The following TCF20 variants were observed in gnomAD, a reference collection of about 807,000 sequenced individuals.
TCF20 encodes the protein SPRE-binding protein.
In TCF20, 3 loss-of-function variants were observed where a neutral mutation model predicts 148.6. The ratio of observed to expected loss-of-function variants is 0.02; its 90% CI spans 0.01 to 0.05. TCF20 has a LOEUF of 0.05. Among genes scored for constraint, TCF20 ranks in the 10% least tolerant of loss-of-function variants. The pLI is 1.00. For missense variants in TCF20, 2,350 were observed against 2,429.3 expected (o/e 0.97, Z 0.69); for synonymous variants, 1,049 against 909.5 (o/e 1.15, Z -2.76).
chr22:42,205,535 G>C (rs1382429845), intron 2 of TCF20, among the ~76,000 whole-genome samples: 1 of 152,180 alleles, frequency 6.6e-6, no homozygotes, highest in African/African-American at 2.4e-5. Flanking sequence ...TGCTCATTAA[G>C]CAAGACCAAA....
At chr22:42,201,239 G>A (rs184108840) in intron 2 of TCF20, among the ~76,000 whole-genome samples, 1 of 152,178 alleles carries the variant, frequency 6.6e-6, no homozygotes, top group Non-Finnish European at 1.5e-5. Flanking sequence ...CCAGAACTGT[G>A]AGCCAATTCA....
In TCF20 at chr22:42,307,720, C is replaced by T. The variant is rs114169468; in HGVS notation, c.-37+35759G>A. ...GCAACCATCGCAGCGGAAGACGAGG[C>T]CTCCTGTGCCACTCACACCCCTTGG... On this transcript the variant is annotated intron_variant, in intron 1 of 1. Transcript: ENST00000515426. Among the ~76,000 whole-genome samples, 1,005 of 152,344 alleles carry T rather than the reference C, an allele frequency of 6.6e-3. 13 individuals carry two copies. The highest frequency in any genetic ancestry group is 0.023 in the African/African-American group (939 of 41,576).
At chr22:42,312,424 T>C (rs1044476841) in intron 1 of TCF20, among the ~76,000 whole-genome samples, 1 of 152,136 alleles carries the variant, frequency 6.6e-6, no homozygotes, top group Non-Finnish European at 1.5e-5. Context: ...GGGGGTCTGA[T>C]GGAGCCAGGC....
chr22:42,262,598 T>C (rs1201339397), intron 1 of TCF20, among the ~76,000 whole-genome samples: 6 of 152,012 alleles, frequency 3.9e-5, no homozygotes, highest in African/African-American at 1.2e-4. Flanking sequence ...CATCATCTTA[T>C]GAACAAACAA....
intron 1 of TCF20, among the ~76,000 whole-genome samples, chr22:42,291,690 TGTGGATCCAG>T (rs1442822091): frequency 6.6e-6 from 1 of 152,006 alleles, no homozygotes; most frequent in Non-Finnish European, 1.5e-5. Flanking sequence ...GCAGGACTGC[TGTGGATCCAG>T]GTGGATCCTG....
chr22:42,313,875 G>C (rs564515256), intron 1 of TCF20, among the ~76,000 whole-genome samples: 1 of 152,300 alleles, frequency 6.6e-6, no homozygotes, highest in Admixed American at 6.5e-5. Context: ...GCTGAGGTTA[G>C]AGGCGTGAGT....
chr22:42,216,079 CTTTTTTTTTTTTTT>C lies in TCF20; in HGVS notation c.-36-752_-36-739del, dbSNP rs759118027. 1.6e-4 allele frequency among the ~76,000 whole-genome samples: 8 copies of C among 50,574 alleles called. 1 individual carries two copies. The highest frequency in any genetic ancestry group is 1.1e-3 in the South Asian group (1 of 936). The allele number at this position is 50,574 out of a possible 152,430, so 33.2% of individuals were successfully genotyped here. On this transcript the variant is annotated intron_variant, in intron 1 of 5. Coordinates refer to ENST00000677622, the MANE Select transcript of TCF20 (RefSeq NM_001378418.1). ...GGTGTGGGGTAAGAAAAACCAAATC[CTTTTTTTTTTTTTT>C]TTTTTTTTTTTTTTGAGACAAGGTC...
intron 1 of TCF20, among the ~76,000 whole-genome samples, chr22:42,310,445 G>GT (rs1927513581): frequency 6.9e-6 from 1 of 145,030 alleles, no homozygotes; most frequent in Non-Finnish European, 1.5e-5. Context: ...GGTTGTGCGG[G>GT]GGGGAGTAAG....
intron 1 of TCF20, among the ~76,000 whole-genome samples, chr22:42,231,626 G>A (rs1018862749): frequency 5.3e-5 from 8 of 152,132 alleles, no homozygotes; most frequent in African/African-American, 9.7e-5. Context: ...AGTTTTTAAA[G>A]TAAAAAAGTT....
At chr22:42,244,743 C>T (rs1456633360) in intron 1 of TCF20, among the ~76,000 whole-genome samples, 1 of 151,978 alleles carries the variant, frequency 6.6e-6, no homozygotes, top group Non-Finnish European at 1.5e-5. Flanking sequence ...CTCGAGTGTT[C>T]GCTTAAAAAT....
chr22:42,277,678 G>A (rs1033495544), intron 1 of TCF20, among the ~76,000 whole-genome samples: 4 of 152,126 alleles, frequency 2.6e-5, no homozygotes, highest in Non-Finnish European at 5.9e-5. Flanking sequence ...GAGGCTTTGC[G>A]ACTTTATCCC....
intron 1 of TCF20, among the ~76,000 whole-genome samples, chr22:42,291,967 T>C (rs1191688587): frequency 6.6e-6 from 1 of 152,078 alleles, no homozygotes; most frequent in Non-Finnish European, 1.5e-5. Context: ...GGCCCCTGGC[T>C]CCATGATCCT....
intron 1 of TCF20, among the ~76,000 whole-genome samples, chr22:42,264,359 A>G (rs1926175408): frequency 6.6e-6 from 1 of 152,024 alleles, no homozygotes; most frequent in Non-Finnish European, 1.5e-5. Flanking sequence ...CAATATTACA[A>G]TACATCTCCA....
At position 42,252,160 on chromosome 22, in the gene TCF20, A is replaced by AC. The variant is rs1167436826; in HGVS notation, c.-37+18178dup. On this transcript the variant is annotated intron_variant, in intron 1 of 5. Coordinates refer to ENST00000677622, the MANE Select transcript of TCF20 (RefSeq NM_001378418.1). ...AAATTAGCCGGGTGTGGTGGCACGC[A>AC]CCTATAATCCCAGCTACTTGGGAGG... Among the ~76,000 whole-genome samples the AC allele has an allele frequency of 7.3e-5, 11 of 151,500 alleles. No homozygotes were observed. The East Asian group carries it at 2.2e-3, about 30-fold the overall frequency.
At chr22:42,170,471 C>A (rs1171032353) in intron 3 of TCF20, among the ~76,000 whole-genome samples, 2 of 149,868 alleles carry the variant, frequency 1.3e-5, no homozygotes, top group African/African-American at 4.9e-5. Flanking sequence ...CACATCACTG[C>A]ACTATAGCCT....
chr22:42,164,208 CTTTCTT>C (rs1391060718), intron 5 of TCF20, among the ~76,000 whole-genome samples: 45 of 118,560 alleles, frequency 3.8e-4, no homozygotes, highest in Admixed American at 5.5e-4. Context: ...GCACTCATTT[CTTTCTT>C]TTTTTTTTTT....
chr22:42,239,282 G>A (rs1924174046), intron 1 of TCF20, among the ~76,000 whole-genome samples: 1 of 151,496 alleles, frequency 6.6e-6, no homozygotes, highest in Admixed American at 6.6e-5. Context: ...TTCGAGACCA[G>A]CCTAGCCAAT....
At chr22:42,225,658 T>TATCTC (rs1242593603) in intron 1 of TCF20, among the ~76,000 whole-genome samples, 24 of 149,986 alleles carry the variant, frequency 1.6e-4, no homozygotes, top group African/African-American at 5.9e-4. Context: ...ACCCTTGAAC[T>TATCTC]ATCTCAACAG....
At chr22:42,190,886 G>T (rs1398457597) in intron 2 of TCF20, among the ~76,000 whole-genome samples, 1 of 152,182 alleles carries the variant, frequency 6.6e-6, no homozygotes, top group Non-Finnish European at 1.5e-5. Flanking sequence ...ATCACACATG[G>T]TATGAACTTC....
Sources: gnomAD v4.1 joint callset for allele counts (sites outside exome capture counted in the v4.1 genomes callset) on GRCh38, gnomAD v4.1.1 for gene constraint, MANE v1.5 for transcripts, NCBI Gene and HGNC (gene_info 2026-07-23, HGNC 2026-07-21) for gene names.